RYR2: variants seen among roughly 807,000 people sequenced by gnomAD.
RYR2 encodes the protein ryanodine receptor 2.
RYR2 carries 227 observed loss-of-function variants against 601.1 expected under a neutral mutation model. That is an observed-to-expected ratio of 0.38 (90% confidence interval 0.34 to 0.42). RYR2 has a LOEUF of 0.42. RYR2 is among the 10% of genes least tolerant of loss of function. The pLI is 1.00. For synonymous variants in RYR2, 2,223 were observed against 2,175.1 expected (o/e 1.02, Z -0.61); for missense variants, 4,646 against 6,156.5 (o/e 0.75, Z 8.21).
intron 34 of RYR2, 57 bp from the exon 35 acceptor site, chr1:237,601,968 T>A: frequency 2.0e-6 from 3 of 1,477,782 alleles, no homozygotes; most frequent in Non-Finnish European, 2.8e-6. Context: ...AAAGAAAAAC[T>A]TTTTCCCTTG....
At chr1:237,121,268 A>T (rs1334239803) in intron 1 of RYR2, among the ~76,000 whole-genome samples, 1 of 152,162 alleles carries the variant, frequency 6.6e-6, no homozygotes, top group African/African-American at 2.4e-5. Flanking sequence ...AAAAAGCCTT[A>T]CTTAGGCTTC....
intron 6 of RYR2, among the ~76,000 whole-genome samples, chr1:237,373,008 A>G (rs1045727264): frequency 2.0e-5 from 3 of 152,198 alleles, no homozygotes; most frequent in African/African-American, 7.2e-5. Context: ...GTTAATAGTT[A>G]TAGGTACAGT....
At chr1:237,683,414 A>G (rs73099966) in intron 62 of RYR2, among the ~76,000 whole-genome samples, 7 of 152,326 alleles carry the variant, frequency 4.6e-5, no homozygotes, top group African/African-American at 1.7e-4. Flanking sequence ...GTATAGCCCT[A>G]GTGAAAGCCA....
chr1:237,265,344 C>T (rs759577789), intron 1 of RYR2, among the ~76,000 whole-genome samples: 24 of 152,084 alleles, frequency 1.6e-4, no homozygotes, highest in Admixed American at 4.6e-4. Flanking sequence ...GTTTTTTGAG[C>T]GGGATCTTGC....
chr1:237,819,551 G>T lies in RYR2; in HGVS notation c.14590+359G>T, dbSNP rs2102831151. Among the ~76,000 whole-genome samples, 1 of 152,286 alleles carries T rather than the reference G, an allele frequency of 6.6e-6. No homozygotes were observed. The highest frequency in any genetic ancestry group is 3.4e-3 in the Middle Eastern group (1 of 294). ...ACTTCTAAGCCAGCTGGGTGCGGTG[G>T]CTCATGCCTGTAATCCAAGCACTTT... On this transcript the variant is annotated intron_variant, in intron 101 of 104. Coordinates refer to ENST00000366574, the MANE Select transcript of RYR2 (RefSeq NM_001035.3). The surrounding 1 kb of genome is among the most constrained non-coding windows in gnomAD (Gnocchi z 4.0).
chr1:237,180,713 T>A lies in RYR2; in HGVS notation c.49-89784T>A. ...ATGTATATATAAGTATATATACACATATATACATATACATAGATATATGCT... is the reference window on the plus strand; with the variant it reads ...ATGTATATATAAGTATATATACACAAATATACATATACATAGATATATGCT... On this transcript the variant is annotated intron_variant, in intron 1 of 104. Transcript: ENST00000366574. This position sits in a 1 kb window ranked among gnomAD's most constrained non-coding sequence, Gnocchi z 5.3. Among the ~76,000 whole-genome samples, 1 of 147,954 alleles carries A rather than the reference T, an allele frequency of 6.8e-6. No homozygotes were observed. The highest frequency in any genetic ancestry group is 2.0e-4 in the East Asian group (1 of 5,126).
At chr1:237,172,735 A>G (rs920864714) in intron 1 of RYR2, among the ~76,000 whole-genome samples, 5 of 152,248 alleles carry the variant, frequency 3.3e-5, no homozygotes, top group Non-Finnish European at 7.3e-5. Flanking sequence ...TTGGAGACAT[A>G]GGATTTGCTG....
At chr1:237,206,800 A>C (rs1287388784) in intron 1 of RYR2, among the ~76,000 whole-genome samples, 1 of 152,202 alleles carries the variant, frequency 6.6e-6, no homozygotes, top group Non-Finnish European at 1.5e-5. Context: ...ATTGGACACT[A>C]TCCCGGCCAT....
At chr1:237,578,512 C>G (rs1327661110) in intron 29 of RYR2, among the ~76,000 whole-genome samples, 1 of 152,202 alleles carries the variant, frequency 6.6e-6, no homozygotes, top group Non-Finnish European at 1.5e-5. Flanking sequence ...TCTCTGGAAG[C>G]CTATTTCCAA....
intron 27 of RYR2, among the ~76,000 whole-genome samples, chr1:237,560,583 A>G (rs1201325578): frequency 6.6e-6 from 1 of 152,216 alleles, no homozygotes; most frequent in East Asian, 1.9e-4. Flanking sequence ...AGCAGGAGCA[A>G]ATTAAAACAT....
intron 34 of RYR2, among the ~76,000 whole-genome samples, chr1:237,596,925 A>C (rs1675955664): frequency 6.6e-6 from 1 of 152,236 alleles, no homozygotes; most frequent in Admixed American, 6.5e-5. Context: ...GAAATGAAGG[A>C]AAAATAGAGT....
intron 91 of RYR2, 25 bp from the exon 92 acceptor site, chr1:237,787,961 TTA>T (rs1450305739): frequency 1.3e-6 from 2 of 1,566,774 alleles, no homozygotes; most frequent in Non-Finnish European, 1.7e-6. Flanking sequence ...TCTGGAGAGC[TTA>T]TGTTTTGTTT....
At chr1:237,695,883 A>C (rs2149006789) in intron 63 of RYR2, among the ~76,000 whole-genome samples, 1 of 152,304 alleles carries the variant, frequency 6.6e-6, no homozygotes, top group South Asian at 2.1e-4. Context: ...GGGTCTACCA[A>C]GATGTAAAAA....
intron 2 of RYR2, among the ~76,000 whole-genome samples, chr1:237,274,855 A>T (rs1001148483): frequency 6.6e-6 from 1 of 152,162 alleles, no homozygotes; most frequent in Non-Finnish European, 1.5e-5. Flanking sequence ...AGTTGCCTCC[A>T]GTATTCAGTA....
intron 92 of RYR2, among the ~76,000 whole-genome samples, chr1:237,789,174 A>G (rs1404427364): frequency 6.6e-6 from 1 of 152,114 alleles, no homozygotes; most frequent in East Asian, 1.9e-4. Flanking sequence ...AACAACCCTC[A>G]TAAGAAAGCC....
At chr1:237,507,098 A>G (rs1300855248) in intron 23 of RYR2, among the ~76,000 whole-genome samples, 2 of 152,242 alleles carry the variant, frequency 1.3e-5, no homozygotes, top group Non-Finnish European at 2.9e-5. Context: ...CAAGGTTAAC[A>G]TATACAGATA....
chr1:237,651,590 ATGCTTGACGCTGGGAAAT>A, intron 51 of RYR2, 89 bp downstream of exon 51: 5 of 832,236 alleles, frequency 6.0e-6, no homozygotes, highest in Non-Finnish European at 3.8e-6. Context: ...TAGATACATC[ATGCTTGACGCTGGGAAAT>A]TTCTCCCAAT....
At chr1:237,568,624 GAT>G (rs1672340334) in intron 28 of RYR2, among the ~76,000 whole-genome samples, 3 of 152,090 alleles carry the variant, frequency 2.0e-5, no homozygotes, top group Non-Finnish European at 2.9e-5. Context: ...AATGCTTCTA[GAT>G]TTCCATTTTG....
intron 100 of RYR2, among the ~76,000 whole-genome samples, chr1:237,814,670 G>A (rs775354982): frequency 2.0e-5 from 3 of 152,054 alleles, no homozygotes; most frequent in Non-Finnish European, 4.4e-5. Flanking sequence ...AGAGAAAAAT[G>A]ATGTAAAGTC....
Sources: allele counts gnomAD v4.1 joint callset (sites outside exome capture counted in the v4.1 genomes callset), GRCh38; gene constraint gnomAD v4.1.1; non-coding constraint Gnocchi (gnomAD v3.1); transcripts MANE v1.5; gene names NCBI Gene and HGNC (gene_info 2026-07-23, HGNC 2026-07-21).